The following REL variants were observed in gnomAD, a reference collection of about 807,000 sequenced individuals.
REL encodes REL proto-oncogene, NF-kB subunit, also known as proto-oncogene c-Rel.
A neutral mutation model predicts 45.9 loss-of-function variants in REL; 15 were observed. That is an observed-to-expected ratio of 0.33 (90% confidence interval 0.22 to 0.50). The LOEUF (loss-of-function observed/expected upper bound fraction) is 0.50. Among genes scored for constraint, REL ranks in the 20% least tolerant of loss-of-function variants. The pLI is 0.98. For synonymous variants in REL, 239 were observed against 242.1 expected, an observed-to-expected ratio of 0.99 and a Z score of 0.12; for missense variants, 601 against 715.2, an observed-to-expected ratio of 0.84 and a Z score of 1.82.
rs186631363 is a variant in REL, at chr2:60,913,282, T to A, written c.395-3595T>A. Among the ~76,000 whole-genome samples the A allele has an allele frequency of 6.6e-4, 100 of 152,100 alleles. No individual in the cohort carries two copies. The East Asian group carries it at 6.6e-3, about 10-fold the overall frequency. On this transcript the variant is annotated intron_variant, in intron 4 of 9. Transcript: ENST00000394479. ...CCTGTTGCTTTCTTTTAAAAAAAAATTTTTTATTTTGCCTCCTCATATGTG... is the reference window on the plus strand; with the variant it reads ...CCTGTTGCTTTCTTTTAAAAAAAAAATTTTTATTTTGCCTCCTCATATGTG...
At chr2:60,898,798 T>TAC (rs1673422649) in intron 3 of REL, among the ~76,000 whole-genome samples, 1 of 152,240 alleles carries the variant, frequency 6.6e-6, no homozygotes, top group South Asian at 2.1e-4. Context: ...GTCCATGAGT[T>TAC]ACAGTTTGCC....
intron 4 of REL, among the ~76,000 whole-genome samples, chr2:60,908,630 T>A (rs1673725171): frequency 6.6e-6 from 1 of 152,228 alleles, no homozygotes; most frequent in Admixed American, 6.5e-5. Context: ...TATATATCAT[T>A]TTCTAGTTAT....
rs1419810712 is a variant in REL at position 60,918,183 on chromosome 2, A to G, written c.536-8A>G. The G allele has an allele frequency of 6.5e-7, 1 of 1,542,870 alleles. No individual in the cohort carries two copies. Among genetic ancestry groups the G allele is most frequent in the Non-Finnish European group, 8.8e-7 (1 of 1,132,324 alleles). ...CAACTCATTTTTTTGAAAATCCTTT[A>G]TATTTAGGTGCTCCAAATACTGCAG... is the stretch of plus-strand genomic sequence containing the variant. On this transcript the variant is annotated splice_polypyrimidine_tract_variant and splice_region_variant and intron_variant, in intron 5 of 9. Coordinates refer to ENST00000394479, the MANE Select transcript of REL (RefSeq NM_001291746.2).
chr2:60,899,490 A>T (rs842620), intron 3 of REL: 12,239 of 152,258 alleles, frequency 0.08, 556 homozygotes, highest in African/African-American at 0.11. Context: ...TCAAAAAAAA[A>T]TGTTTTTTAA....
At chr2:60,890,861 A>T in intron 1 of REL, among the ~76,000 whole-genome samples, 1 of 152,168 alleles carries the variant, frequency 6.6e-6, no homozygotes, top group Non-Finnish European at 1.5e-5. Flanking sequence ...ATTACTTTAC[A>T]TATCCTAGGG....
chr2:60,917,123 A>G (rs1034811360), intron 5 of REL, 106 bp downstream of exon 5: 3 of 952,878 alleles, frequency 3.1e-6, no homozygotes, highest in East Asian at 2.6e-5. Flanking sequence ...TCATGATAGG[A>G]AAACTTCCAG....
intron 4 of REL, among the ~76,000 whole-genome samples, chr2:60,914,767 G>T (rs983090455): frequency 6.6e-6 from 1 of 150,772 alleles, no homozygotes; most frequent in Admixed American, 6.6e-5. Context: ...TTTGTATCTG[G>T]TTTCTTTTGC....
At chr2:60,912,857 A>G (rs1673857115) in intron 4 of REL, among the ~76,000 whole-genome samples, 2 of 151,914 alleles carry the variant, frequency 1.3e-5, no homozygotes, top group Admixed American at 1.3e-4. Flanking sequence ...AAAGGAGGAA[A>G]TGTTTGAGAA....
At chr2:60,888,876 A>C (rs1558786830) in intron 1 of REL, among the ~76,000 whole-genome samples, 1 of 152,148 alleles carries the variant, frequency 6.6e-6, no homozygotes, top group Non-Finnish European at 1.5e-5. Flanking sequence ...ATAATCCTTC[A>C]TTCATCTTAT....
chr2:60,911,315 T>G (rs1673806268), intron 4 of REL: 1 of 152,254 alleles, frequency 6.6e-6, no homozygotes, highest in Non-Finnish European at 1.5e-5. Flanking sequence ...CTTTGTGCAT[T>G]GGCAGTATAG....
intron 1 of REL, among the ~76,000 whole-genome samples, chr2:60,884,498 A>G (rs1673023872): frequency 6.6e-6 from 1 of 152,082 alleles, no homozygotes; most frequent in South Asian, 2.1e-4. Flanking sequence ...TAATAGATAT[A>G]GTGAAGAAAA....
At chr2:60,891,913 C>A in intron 2 of REL, 88 bp downstream of exon 2, 1 of 1,232,804 alleles carries the variant, frequency 8.1e-7, no homozygotes, top group Non-Finnish European at 1.1e-6. Context: ...AGTTTCTTCA[C>A]AGTCATCTCC....
At chr2:60,891,209 T>C (rs1019108709) in intron 1 of REL, among the ~76,000 whole-genome samples, 3 of 152,210 alleles carry the variant, frequency 2.0e-5, no homozygotes, top group Non-Finnish European at 4.4e-5. Context: ...TCATTTTCAG[T>C]GAATGGTCTT....
intron 4 of REL, among the ~76,000 whole-genome samples, chr2:60,906,343 C>A (rs1031460077): frequency 6.6e-6 from 1 of 152,092 alleles, no homozygotes; most frequent in African/African-American, 2.4e-5. Flanking sequence ...TTCTTTCTCT[C>A]TTGCATTGTT....
intron 3 of REL, among the ~76,000 whole-genome samples, chr2:60,897,073 C>T (rs1295106464): frequency 6.6e-6 from 1 of 151,576 alleles, no homozygotes; most frequent in Non-Finnish European, 1.5e-5. Flanking sequence ...AGAACTTTCC[C>T]TTCCTCTCTT....
At chr2:60,904,415 A>G (rs1673584607) in intron 4 of REL, among the ~76,000 whole-genome samples, 2 of 149,778 alleles carry the variant, frequency 1.3e-5, no homozygotes, top group African/African-American at 4.9e-5. Context: ...TAAAAAAAAA[A>G]AAAAAATTAG....
chr2:60,912,778 G>A (rs1169644932), intron 4 of REL, among the ~76,000 whole-genome samples: 1 of 151,636 alleles, frequency 6.6e-6, no homozygotes, highest in Non-Finnish European at 1.5e-5. Context: ...AGAATTGAGA[G>A]CCCAGAAACA....
At position 60,922,262 on chromosome 2, in the gene REL, C is replaced by T; in HGVS notation, c.1491C>T (p.Asp497=). 2 of 1,614,168 alleles carry T rather than the reference C, an allele frequency of 1.2e-6. No homozygotes were observed. The highest frequency in any genetic ancestry group is 3.3e-5 in the Admixed American group (2 of 60,014). ...LENPSCNSVL[D]PRDLRQLHQM... ...ACCCCTCATGTAATTCAGTGTTAGA[C>T]CCAAGAGACTTGAGACAGCTCCATC... Residue 497 remains aspartate (D), a synonymous_variant, in exon 10 of 10, where the codon GAC becomes GAT. Transcript: ENST00000394479.
chr2:60,929,215 T>C lies in REL; in HGVS notation c.*6680T>C, dbSNP rs1179669459. The C allele has an allele frequency of 3.8e-3, 565 of 149,664 alleles. 7 individuals are homozygous for C. The highest frequency in any genetic ancestry group is 0.013 in the African/African-American group (540 of 40,346). The allele number at this position is 149,664 out of a possible 1,614,324, so 9.3% of individuals were successfully genotyped here. A position where few individuals can be genotyped will look rare whatever the true frequency, so the allele number is the denominator to read the frequency against. ...TGGAGAAATAGGAACACTTTTACAC[T>C]GTTGGTGGGACTGTAAACTAGTTCA... On this transcript the variant is annotated 3_prime_UTR_variant, in exon 10 of 10. Transcript: ENST00000394479.
Sources: gnomAD v4.1 joint callset for allele counts (sites outside exome capture counted in the v4.1 genomes callset) on GRCh38, gnomAD v4.1.1 for gene constraint, MANE v1.5 for transcripts, NCBI Gene and HGNC (gene_info 2026-07-23, HGNC 2026-07-21) for gene names.